Variants in ISG20 observed in about 807,000 individuals in gnomAD.
ISG20 encodes the protein interferon-stimulated gene 20 kDa protein.
ISG20 carries 8 observed loss-of-function variants against 11.1 expected under a neutral mutation model. The observed-to-expected ratio is 0.72, with a 90% confidence interval of 0.42 to 1.30. ISG20 has a LOEUF of 1.30. ISG20 is among the 50% of genes most tolerant of loss of function. The pLI, the probability that ISG20 is intolerant of heterozygous loss-of-function variation, is 0.01. For missense variants in ISG20, 243 were observed against 250.2 expected, an observed-to-expected ratio of 0.97 and a Z score of 0.19; for synonymous variants, 110 against 101.7, an observed-to-expected ratio of 1.08 and a Z score of -0.49.
intron 2 of ISG20, chr15:88,649,672 C>T (rs570689083): frequency 1.9e-5 from 3 of 155,670 alleles, no homozygotes; most frequent in South Asian, 3.9e-4. Context: ...TTCCCTTGAG[C>T]TGCTACTCTG....
intron 2 of ISG20, among the ~76,000 whole-genome samples, chr15:88,645,197 T>C (rs1307929301): frequency 1.3e-5 from 2 of 152,104 alleles, no homozygotes; most frequent in Non-Finnish European, 2.9e-5. Context: ...GTTTGTACAA[T>C]TGTCAGCAAG....
At chr15:88,651,679 C>T in intron 2 of ISG20, 8 of 659,752 alleles carry the variant, frequency 1.2e-5, no homozygotes, top group Non-Finnish European at 1.5e-5. Context: ...CTGCCCGGAA[C>T]TTTAATTCCT....
In ISG20 at chr15:88,640,204, C is replaced by T. The variant is rs1225605643; in HGVS notation, c.228+610C>T. Among the ~76,000 whole-genome samples the T allele has an allele frequency of 3.9e-5, 6 of 152,202 alleles. No individual in the cohort carries two copies. The East Asian group carries it at 7.7e-4, about 20-fold the overall frequency. ...AAAGCAAAACTTAAAGGTGTCAACA[C>T]GGTTAGCCACCCCTGGGAAATCTCA... On this transcript the variant is annotated intron_variant, in intron 2 of 3. Coordinates refer to ENST00000306072, the MANE Select transcript of ISG20 (RefSeq NM_002201.6).
chr15:88,650,365 C>A lies in ISG20; in HGVS notation c.229-1745C>A, dbSNP rs2058253632. 10 of 1,532,988 alleles carry A rather than the reference C, an allele frequency of 6.5e-6. No homozygotes were observed. Among genetic ancestry groups the A allele is most frequent in the Non-Finnish European group, 7.9e-6 (9 of 1,145,754 alleles). 95.0% of individuals were successfully genotyped at this position (1,532,988 alleles called of 1,614,324 possible). On this transcript the variant is annotated intron_variant, in intron 2 of 3. Transcript: ENST00000306072. This position sits in a 1 kb window ranked among gnomAD's most constrained non-coding sequence, Gnocchi z 4.0. ...CGGGGCTGGGGCAGTCACAGCTGGG[C>A]GCCTGGGCTGCTGGAGGCCTGGAGT...
upstream of ISG20, among the ~76,000 whole-genome samples, chr15:88,635,708 T>C (rs1326979684): frequency 1.3e-5 from 2 of 152,156 alleles, no homozygotes; most frequent in African/African-American, 2.4e-5. Context: ...TAGGTAAGTT[T>C]TGTTAAGTTT....
rs545231968 is a variant in ISG20, at chr15:88,647,319, T to A, written c.229-4791T>A. The A allele has an allele frequency of 2.0e-5, 3 of 152,186 alleles. No individual in the cohort carries two copies. The South Asian group carries it at 6.2e-4, about 32-fold the overall frequency. 9.4% of individuals were successfully genotyped at this position (152,186 alleles called of 1,614,324 possible). ...TGTAAGTGCTTATGATCTTCTGACA[T>A]CTCTGTGTCTGACCATTATATAGAG... On this transcript the variant is annotated intron_variant, in intron 2 of 3. Coordinates refer to ENST00000306072, the MANE Select transcript of ISG20 (RefSeq NM_002201.6).
In ISG20 at chr15:88,650,125, C is replaced by A; in HGVS notation, c.229-1985C>A. On this transcript the variant is annotated intron_variant, in intron 2 of 3. Coordinates refer to ENST00000306072, the MANE Select transcript of ISG20 (RefSeq NM_002201.6). This position sits in a 1 kb window ranked among gnomAD's most constrained non-coding sequence, Gnocchi z 4.0. Reference sequence around the variant, plus strand: ...CTGGTGTACAGGCTAAGGTCGTGGGCTACATGCAGAGAAGGAGACGAAGGC... The same window carrying A: ...CTGGTGTACAGGCTAAGGTCGTGGGATACATGCAGAGAAGGAGACGAAGGC... 1.1e-6 allele frequency: 1 copy of A among 872,402 alleles called. No individual in the cohort carries two copies. Among genetic ancestry groups the A allele is most frequent in the Non-Finnish European group, 1.8e-6 (1 of 543,772 alleles). The allele number at this position is 872,402 out of a possible 1,614,324, so 54.0% of individuals were successfully genotyped here.
rs903805874 is a variant in ISG20 at position 88,639,472 on chromosome 15, G to A, written c.106G>A (p.Ala36Thr). 5 of 1,614,192 alleles carry A rather than the reference G, an allele frequency of 3.1e-6. No homozygotes were observed. Among genetic ancestry groups the A allele is most frequent in the Non-Finnish European group, 4.2e-6 (5 of 1,180,014 alleles). The change falls in exon 2 of 4, where the codon GCT (alanine) becomes ACT (threonine). Residue 36 changes from alanine to threonine, a missense_variant. By Grantham distance (58) the Ala-to-Thr change is moderately conservative (BLOSUM62 0). Coordinates refer to ENST00000306072, the MANE Select transcript of ISG20 (RefSeq NM_002201.6). This position sits in a 1 kb window ranked among gnomAD's most constrained non-coding sequence, Gnocchi z 4.2. ...ARCSLVNVHG[A>T]VLYDKFIRPE... The stretch of plus-strand genomic sequence containing the variant: ...TTGCAGCCTCGTGAACGTCCACGGT[G>A]CTGTGCTGTACGACAAGTTCATCCG...
Position 88,639,267 on chromosome 15 carries a change from A to C in ISG20, c.-24-76A>C, listed in dbSNP as rs2058037920. ...AAAGGGCAGGGCGGAGGGTAAGGCC[A>C]GCTGGGGTTGGCTGAGGACACCTGG... On this transcript the variant is annotated intron_variant, in intron 1 of 3. Coordinates refer to ENST00000306072, the MANE Select transcript of ISG20 (RefSeq NM_002201.6). The surrounding 1 kb of genome is among the most constrained non-coding windows in gnomAD (Gnocchi z 4.2). 1 of 882,482 alleles carries C rather than the reference A, an allele frequency of 1.1e-6. No homozygotes were observed. Among genetic ancestry groups the C allele is most frequent in the Middle Eastern group, 3.3e-4 (1 of 3,016 alleles). The allele number at this position is 882,482 out of a possible 1,614,324, so 54.7% of individuals were successfully genotyped here.
At position 88,650,627 on chromosome 15, in the gene ISG20, T is replaced by C. The variant is rs1234683648; in HGVS notation, c.229-1483T>C. 4 of 409,732 alleles carry C rather than the reference T, an allele frequency of 9.8e-6. No homozygotes were observed. Among genetic ancestry groups the C allele is most frequent in the Non-Finnish European group, 1.7e-5 (4 of 234,792 alleles). The allele number at this position is 409,732 out of a possible 1,614,324, so 25.4% of individuals were successfully genotyped here. A position where few individuals can be genotyped will look rare whatever the true frequency, so the allele number is the denominator to read the frequency against. On this transcript the variant is annotated intron_variant, in intron 2 of 3. Transcript: ENST00000306072. This position sits in a 1 kb window ranked among gnomAD's most constrained non-coding sequence, Gnocchi z 4.0. Reference sequence around the variant, plus strand: ...AGGACAGGCCGTCAGTTAAGGCACCTTGAAGGCTGGGGGCTGGAACCATTG... The same window carrying C: ...AGGACAGGCCGTCAGTTAAGGCACCCTGAAGGCTGGGGGCTGGAACCATTG...
upstream of ISG20, among the ~76,000 whole-genome samples, chr15:88,636,547 A>T (rs970138080): frequency 1.3e-5 from 2 of 152,114 alleles, no homozygotes; most frequent in African/African-American, 2.4e-5. Flanking sequence ...AGGGGATAGG[A>T]AGTAAACTTT....
intron 2 of ISG20, 153 bp from the exon 3 acceptor site, chr15:88,651,957 C>T (rs1456358589): frequency 2.1e-6 from 3 of 1,454,484 alleles, no homozygotes; most frequent in Non-Finnish European, 1.8e-6. Context: ...GCAATCTCTT[C>T]TTTTCAAAGA....
rs1333766152 is a variant in ISG20 at position 88,643,928 on chromosome 15, C to G, written c.228+4334C>G. 6.6e-6 allele frequency among the ~76,000 whole-genome samples: 1 copy of G among 152,126 alleles called. No individual in the cohort carries two copies. Among genetic ancestry groups the G allele is most frequent in the Admixed American group, 6.5e-5 (1 of 15,276 alleles). ...ATTTGAAATGTTCCAATGAGCATTT[C>G]CTTTGAGCGTCATGTTGGCACTCAG... On this transcript the variant is annotated intron_variant, in intron 2 of 3. Coordinates refer to ENST00000306072, the MANE Select transcript of ISG20 (RefSeq NM_002201.6). This position sits in a 1 kb window ranked among gnomAD's most constrained non-coding sequence, Gnocchi z 4.4.
At chr15:88,646,195 C>A (rs1457539051) in intron 2 of ISG20, among the ~76,000 whole-genome samples, 1 of 152,176 alleles carries the variant, frequency 6.6e-6, no homozygotes, top group Admixed American at 6.5e-5. Flanking sequence ...TAAGTAGGAT[C>A]CTCTGTAACA....
At chr15:88,640,212 C>T (rs988580364) in intron 2 of ISG20, among the ~76,000 whole-genome samples, 1 of 152,192 alleles carries the variant, frequency 6.6e-6, no homozygotes, top group African/African-American at 2.4e-5. Flanking sequence ...CACGGTTAGC[C>T]ACCCCTGGGA....
At chr15:88,649,358 A>T (rs2058233218) in intron 2 of ISG20, 1 of 152,032 alleles carries the variant, frequency 6.6e-6, no homozygotes, top group Non-Finnish European at 1.5e-5. Flanking sequence ...TCCCCTCTCC[A>T]GACTCTCAGG....
At chr15:88,636,069 C>T (rs2057979920), upstream of ISG20, 1 of 152,250 alleles carries the variant, frequency 6.6e-6, no homozygotes, top group South Asian at 2.1e-4. Context: ...AGAGGGGCCT[C>T]TCGCCCTCCA....
intron 2 of ISG20, chr15:88,651,281 C>T: frequency 1.0e-6 from 1 of 985,324 alleles, no homozygotes; most frequent in African/African-American, 1.7e-5. Flanking sequence ...TGCAGTGCTC[C>T]CTCCTCACTG....
At chr15:88,654,826 C>A (rs921460725) in intron 3 of ISG20, among the ~76,000 whole-genome samples, 2 of 152,168 alleles carry the variant, frequency 1.3e-5, no homozygotes, top group Non-Finnish European at 2.9e-5. Flanking sequence ...CATAGCACTA[C>A]CCCATAAAGT....
Sources: gnomAD v4.1 joint callset for allele counts (sites outside exome capture counted in the v4.1 genomes callset) on GRCh38, gnomAD v4.1.1 for gene constraint, Gnocchi (gnomAD v3.1) non-coding constraint, MANE v1.5 for transcripts, NCBI Gene and HGNC (gene_info 2026-07-23, HGNC 2026-07-21) for gene names.